Variants in MRPL18 observed in about 807,000 individuals in gnomAD.
The protein encoded by MRPL18 is mitochondrial ribosomal protein L18, also known as large ribosomal subunit protein uL18m.
In MRPL18, 16 loss-of-function variants were observed where a neutral mutation model predicts 20.9. That is an observed-to-expected ratio of 0.76 (90% CI 0.52 to 1.16). The LOEUF is 1.16. Among genes scored for constraint, MRPL18 ranks in the 50% most tolerant of loss-of-function variants. The pLI is 0.00. For missense variants in MRPL18, 233 were observed against 230.6 expected (o/e 1.01, Z -0.07); for synonymous variants, 91 against 87.1 (o/e 1.04, Z -0.25).
intron 2 of MRPL18, among the ~76,000 whole-genome samples, 173 bp from the exon 3 acceptor site, chr6:159,797,114 C>T (rs1391489238): frequency 1.3e-5 from 2 of 152,140 alleles, no homozygotes; most frequent in African/African-American, 4.8e-5. Context: ...AGGATATTCT[C>T]ATAAAGGCGG....
chr6:159,791,153 A>G, intron 2 of MRPL18, 27 bp downstream of exon 2: 1 of 1,612,832 alleles, frequency 6.2e-7, no homozygotes, highest in Admixed American at 1.7e-5. Context: ...GTGATTGACA[A>G]GGGCAGTGCA....
rs527298638 is a variant in MRPL18 at position 159,791,378 on chromosome 6, A to T, written c.239+252A>T. 2.2e-4 allele frequency among the ~76,000 whole-genome samples: 33 copies of T among 152,342 alleles called. No individual in the cohort carries two copies. In the East Asian group the frequency reaches 5.8e-3, roughly 27 times the overall value. ...ATCTGAAAGAGGAAGAAGCCTAGTCATCTGCCAGAAAGAGCAGTCCTAGCA... is the reference window on the plus strand; with the variant it reads ...ATCTGAAAGAGGAAGAAGCCTAGTCTTCTGCCAGAAAGAGCAGTCCTAGCA... On this transcript the variant is annotated intron_variant, in intron 2 of 3. Transcript: ENST00000367034.
chr6:159,797,518 G>A lies in MRPL18; in HGVS notation c.471G>A (p.Ser157=), dbSNP rs755633385. 8.1e-6 allele frequency: 13 copies of A among 1,612,776 alleles called. No homozygotes were observed. Among genetic ancestry groups the A allele is most frequent in the Admixed American group, 3.3e-5 (2 of 60,004 alleles). The change falls in exon 3 of 4, where the codon TCG becomes TCA. Residue 157 remains serine (S), a splice_region_variant and synonymous_variant. Transcript: ENST00000367034. ...CCCCGTGGGAGGCAGCCTCAGACTC[G>A]GTATTTTTGTTTTCATGTACTTATT... is the stretch of plus-strand genomic sequence containing the variant. ...QPTPWEAASD[S]MKRLQSAMTE... is the part of the protein sequence containing the mutation.
At chr6:159,792,494 A>G (rs183407360) in intron 2 of MRPL18, among the ~76,000 whole-genome samples, 1 of 152,304 alleles carries the variant, frequency 6.6e-6, no homozygotes, top group Admixed American at 6.5e-5. Context: ...GGAAAGTGGA[A>G]TGGGGATAAT....
intron 2 of MRPL18, among the ~76,000 whole-genome samples, 180 bp downstream of exon 2, chr6:159,791,306 A>G (rs1454557285): frequency 6.6e-6 from 1 of 152,216 alleles, no homozygotes; most frequent in East Asian, 1.9e-4. Flanking sequence ...ATGTTACAGT[A>G]GCGGACAGGA....
At chr6:159,790,145 A>G (rs1219123995), upstream of MRPL18, 2 of 212,430 alleles carry the variant, frequency 9.4e-6, no homozygotes, top group African/African-American at 4.6e-5. Context: ...GAGGAAGACA[A>G]CCACCCTTTT....
intron 2 of MRPL18, among the ~76,000 whole-genome samples, chr6:159,791,622 TG>T (rs1296362205): frequency 2.6e-5 from 4 of 152,226 alleles, no homozygotes; most frequent in Non-Finnish European, 4.4e-5. Context: ...TCATTCTGGC[TG>T]GGCGCATTGT....
At chr6:159,796,948 T>C (rs1781043912) in intron 2 of MRPL18, among the ~76,000 whole-genome samples, 1 of 152,198 alleles carries the variant, frequency 6.6e-6, no homozygotes, top group African/African-American at 2.4e-5. Flanking sequence ...TAGCTATAAA[T>C]AAAAGCAAAG....
intron 1 of MRPL18, 110 bp from the exon 2 acceptor site, chr6:159,790,830 C>T: frequency 1.4e-6 from 2 of 1,437,456 alleles, no homozygotes; most frequent in Non-Finnish European, 1.9e-6. Context: ...ATTTTTCGTC[C>T]CCTCGGGCCT....
chr6:159,794,356 C>CGAA (rs1780981036), intron 2 of MRPL18, among the ~76,000 whole-genome samples: 1 of 152,032 alleles, frequency 6.6e-6, no homozygotes, highest in Admixed American at 6.6e-5. Flanking sequence ...TAATCTTTTT[C>CGAA]AAGTTACTTA....
At chr6:159,790,349 C>T, upstream of MRPL18, 1 of 622,018 alleles carries the variant, frequency 1.6e-6, no homozygotes, top group Non-Finnish European at 2.8e-6. Context: ...TTGGTGGGCT[C>T]CAGGGCCTGC....
At chr6:159,790,902 T>C (rs780161997) in intron 1 of MRPL18, 38 bp from the exon 2 acceptor site, 8 of 1,611,166 alleles carry the variant, frequency 5.0e-6, no homozygotes. Flanking sequence ...TCCATATCCG[T>C]CATTTTTAAG....
intron 2 of MRPL18, among the ~76,000 whole-genome samples, chr6:159,792,964 C>T (rs1489928794): frequency 2.0e-5 from 3 of 150,254 alleles, no homozygotes; most frequent in Admixed American, 6.7e-5. Context: ...CTACCATGGC[C>T]GGCTAATTTT....
chr6:159,796,649 T>G (rs1781035590), intron 2 of MRPL18, among the ~76,000 whole-genome samples: 1 of 152,188 alleles, frequency 6.6e-6, no homozygotes, highest in East Asian at 1.9e-4. Flanking sequence ...CTTGGTGCAG[T>G]GGCATGCACC....
At chr6:159,794,448 G>A (rs1432452905) in intron 2 of MRPL18, among the ~76,000 whole-genome samples, 3 of 152,100 alleles carry the variant, frequency 2.0e-5, no homozygotes, top group African/African-American at 4.8e-5. Flanking sequence ...TCTATAAACC[G>A]TTAAGACAGG....
At chr6:159,796,571 T>G (rs1388932590) in intron 2 of MRPL18, among the ~76,000 whole-genome samples, 1 of 151,842 alleles carries the variant, frequency 6.6e-6, no homozygotes, top group Non-Finnish European at 1.5e-5. Flanking sequence ...GTGGGTCGCT[T>G]GAGGCCAGGA....
intron 2 of MRPL18, among the ~76,000 whole-genome samples, chr6:159,795,767 A>G (rs1190554824): frequency 6.6e-6 from 1 of 152,158 alleles, no homozygotes; most frequent in South Asian, 2.1e-4. Flanking sequence ...TTTGAACAAT[A>G]TATGAGTTTA....
upstream of MRPL18, chr6:159,789,914 C>G (rs1780817813): frequency 5.0e-6 from 1 of 198,734 alleles, no homozygotes; most frequent in African/African-American, 2.3e-5. Flanking sequence ...GAGCTTGGAG[C>G]TGGGGTGTAA....
Position 159,790,471 on chromosome 6 carries a change from G to A in MRPL18, c.-117G>A, listed in dbSNP as rs189546166. The A allele has an allele frequency of 1.4e-6, 2 of 1,400,734 alleles. No homozygotes were observed. Among genetic ancestry groups the A allele is most frequent in the Non-Finnish European group, 2.0e-6 (2 of 1,001,966 alleles). The allele number at this position is 1,400,734 out of a possible 1,614,324, so 86.8% of individuals were successfully genotyped here. A position where few individuals can be genotyped will look rare whatever the true frequency, so the allele number is the denominator to read the frequency against. On this transcript the variant is annotated 5_prime_UTR_variant, in exon 1 of 4. Transcript: ENST00000367034. ...GGGTCGGTGGCGTCTGGCGTGGAGA[G>A]TTTGGGGATCTACAGCAGCCAAAGG... is the stretch of plus-strand genomic sequence containing the variant.
Sources: allele counts gnomAD v4.1 joint callset (sites outside exome capture counted in the v4.1 genomes callset), GRCh38; gene constraint gnomAD v4.1.1; transcripts MANE v1.5; gene names NCBI Gene and HGNC (gene_info 2026-07-23, HGNC 2026-07-21).